Variants in CCDC60 observed in about 807,000 individuals in gnomAD.
CCDC60 encodes coiled-coil domain-containing protein 60.
CCDC60 carries 54 observed loss-of-function variants against 63.5 expected under a neutral mutation model. The ratio of observed to expected loss-of-function variants is 0.85; its 90% CI spans 0.68 to 1.07. The LOEUF (loss-of-function observed/expected upper bound fraction) is 1.07. CCDC60 is among the 50% of genes least tolerant of loss of function. CCDC60 has a pLI of 0.00. For synonymous variants in CCDC60, 206 were observed against 238.8 expected (o/e 0.86, Z 1.27); for missense variants, 651 against 684.3 (o/e 0.95, Z 0.54).
intron 4 of CCDC60, among the ~76,000 whole-genome samples, chr12:119,483,971 T>A (rs571917837): frequency 6.6e-6 from 1 of 152,142 alleles, no homozygotes; most frequent in East Asian, 1.9e-4. Flanking sequence ...CACTGCAGAT[T>A]AGAAGAGCAA....
intron 1 of CCDC60, among the ~76,000 whole-genome samples, chr12:119,359,953 A>G (rs1174075421): frequency 1.3e-5 from 2 of 152,050 alleles, no homozygotes; most frequent in East Asian, 1.9e-4. Context: ...AGACACGGCA[A>G]CCATCCCATT....
chr12:119,342,295 G>A lies in CCDC60; in HGVS notation c.90+7029G>A, dbSNP rs75783851. Among the ~76,000 whole-genome samples the A allele has an allele frequency of 3.3e-5, 5 of 152,302 alleles. No individual in the cohort carries two copies. In the East Asian group the frequency reaches 9.6e-4, roughly 29 times the overall value. On this transcript the variant is annotated intron_variant, in intron 1 of 13. Transcript: ENST00000327554. The stretch of plus-strand genomic sequence containing the variant: ...TATGAGGGAAACAGAAGCTTTCCAA[G>A]AACCTTCCTGACCTATTTTCTCTAT...
At chr12:119,520,255 T>C (rs2136489017) in intron 9 of CCDC60, 63 bp downstream of exon 9, 1 of 1,397,888 alleles carries the variant, frequency 7.2e-7, no homozygotes, top group Non-Finnish European at 1.0e-6. Flanking sequence ...CAGGGGCCAC[T>C]GCAGGGATGC....
rs1192852603 is a variant in CCDC60 at position 119,460,048 on chromosome 12, CA to C, written c.171-11945del. ...TCACGTGATGCTGATGCTGCTGGACCACACTTTGATTTGTAAGGAACTAGAT... is the reference window on the plus strand; with the variant it reads ...TCACGTGATGCTGATGCTGCTGGACCCACTTTGATTTGTAAGGAACTAGAT... On this transcript the variant is annotated intron_variant, in intron 2 of 13. Transcript: ENST00000327554. Among the ~76,000 whole-genome samples, 7 of 152,242 alleles carry C rather than the reference CA, an allele frequency of 4.6e-5. No individual in the cohort carries two copies. The East Asian group carries it at 1.4e-3, about 29-fold the overall frequency.
intron 2 of CCDC60, among the ~76,000 whole-genome samples, chr12:119,455,761 A>AAAAAAG (rs1950718199): frequency 6.8e-6 from 1 of 147,992 alleles, no homozygotes; most frequent in Admixed American, 6.9e-5. Context: ...GAAAGAAAAG[A>AAAAAAG]AAAGAAAGAA....
intron 1 of CCDC60, among the ~76,000 whole-genome samples, chr12:119,386,510 A>G (rs988780660): frequency 1.3e-5 from 2 of 152,014 alleles, no homozygotes; most frequent in Non-Finnish European, 2.9e-5. Context: ...AGAAAAAAAA[A>G]AAAAAGCAAC....
At chr12:119,417,757 A>G (rs1956728556) in intron 1 of CCDC60, among the ~76,000 whole-genome samples, 1 of 152,222 alleles carries the variant, frequency 6.6e-6, no homozygotes, top group Admixed American at 6.5e-5. Context: ...ACAGGTGGTG[A>G]CTTGTAGGTT....
chr12:119,398,118 G>GGGGC (rs1956314177), intron 1 of CCDC60, among the ~76,000 whole-genome samples: 1 of 131,532 alleles, frequency 7.6e-6, no homozygotes, highest in African/African-American at 2.9e-5. Flanking sequence ...GGGGAGGAAG[G>GGGGC]GGTGGCAGAG....
chr12:119,360,277 TG>T, intron 1 of CCDC60, among the ~76,000 whole-genome samples: 1 of 134,756 alleles, frequency 7.4e-6, no homozygotes, highest in East Asian at 2.4e-4. Context: ...ACGGGGCGGC[TG>T]GCCGGGCAGG....
chr12:119,367,915 G>C (rs1408991213), intron 1 of CCDC60, among the ~76,000 whole-genome samples: 2 of 141,938 alleles, frequency 1.4e-5, no homozygotes, highest in South Asian at 4.5e-4. Flanking sequence ...TTTTTTTTTT[G>C]AGCTGATGAA....
intron 4 of CCDC60, among the ~76,000 whole-genome samples, chr12:119,482,257 A>G (rs1451800768): frequency 1.3e-5 from 2 of 151,666 alleles, no homozygotes; most frequent in East Asian, 3.9e-4. Context: ...GCAATTGCAA[A>G]TTCACAACAG....
At chr12:119,352,357 C>T (rs189530053) in intron 1 of CCDC60, among the ~76,000 whole-genome samples, 1 of 152,300 alleles carries the variant, frequency 6.6e-6, no homozygotes, top group Admixed American at 6.5e-5. Flanking sequence ...TGTTATCCTA[C>T]CATTTACTAA....
At chr12:119,495,328 T>C (rs1212177050) in intron 5 of CCDC60, among the ~76,000 whole-genome samples, 3 of 152,234 alleles carry the variant, frequency 2.0e-5, no homozygotes, top group East Asian at 1.9e-4. Flanking sequence ...TGTGGTACTT[T>C]CTGGGAGGCC....
intron 2 of CCDC60, among the ~76,000 whole-genome samples, chr12:119,471,357 C>G (rs1951053386): frequency 6.6e-6 from 1 of 152,224 alleles, no homozygotes. Context: ...GAGAGGGCAG[C>G]CTTAGCCAGG....
intron 4 of CCDC60, among the ~76,000 whole-genome samples, chr12:119,483,663 T>C (rs891487387): frequency 6.6e-6 from 1 of 152,214 alleles, no homozygotes. Context: ...CTCAGAGATG[T>C]TTATGCCCAC....
At chr12:119,384,012 C>T (rs1956035321) in intron 1 of CCDC60, among the ~76,000 whole-genome samples, 3 of 151,908 alleles carry the variant, frequency 2.0e-5, no homozygotes, top group Admixed American at 2.0e-4. Flanking sequence ...CTGGCTAACA[C>T]GGTGAAACCC....
At chr12:119,527,777 C>T (rs1212312677) in intron 11 of CCDC60, among the ~76,000 whole-genome samples, 3 of 149,122 alleles carry the variant, frequency 2.0e-5, no homozygotes, top group Admixed American at 1.4e-4. Context: ...CCTGGGTTCA[C>T]GCCATTCTCC....
rs1246319453 is a variant in CCDC60 at position 119,540,632 on chromosome 12, A to G, written c.1570A>G (p.Ile524Val). 5 of 1,613,794 alleles carry G rather than the reference A, an allele frequency of 3.1e-6. No homozygotes were observed. The highest frequency in any genetic ancestry group is 4.2e-6 in the Non-Finnish European group (5 of 1,179,950). Residue 524 changes from isoleucine (I) to valine (V), a missense_variant, in exon 14 of 14, where the codon ATC (isoleucine) becomes GTC (valine). Coordinates refer to ENST00000327554, the MANE Select transcript of CCDC60 (RefSeq NM_178499.5). ...CTCACAGTTTGTGCGAGAACACATCATCCATATGCCTCAAGAGGATTACAT... is the reference window on the plus strand; with the variant it reads ...CTCACAGTTTGTGCGAGAACACATCGTCCATATGCCTCAAGAGGATTACAT... Reference protein sequence around the residue: ...VAIEFVREHIIHMPQEDYISW... With the variant: ...VAIEFVREHIVHMPQEDYISW...
chr12:119,405,629 A>G (rs7308840), intron 1 of CCDC60, among the ~76,000 whole-genome samples: 13,281 of 152,270 alleles, frequency 0.087, 634 homozygotes, highest in Middle Eastern at 0.16. Context: ...CCCTCTTCTC[A>G]TCCTTGATGC....
Sources: allele counts gnomAD v4.1 joint callset (sites outside exome capture counted in the v4.1 genomes callset), GRCh38; gene constraint gnomAD v4.1.1; transcripts MANE v1.5; gene names NCBI Gene and HGNC (gene_info 2026-07-23, HGNC 2026-07-21).